Variants in PLCXD3 observed in about 807,000 individuals in gnomAD.
PLCXD3 encodes the protein PI-PLC X domain-containing protein 3.
In PLCXD3, 19 loss-of-function variants were observed where a neutral mutation model predicts 25.5. That is an observed-to-expected ratio of 0.75 (90% CI 0.52 to 1.09). PLCXD3 has a LOEUF of 1.09. PLCXD3 is among the 50% of genes least tolerant of loss of function. PLCXD3 has a pLI of 0.00. For synonymous variants in PLCXD3, 174 were observed against 137.6 expected (o/e 1.26, Z -1.85); for missense variants, 411 against 388.1 (o/e 1.06, Z -0.50).
intron 1 of PLCXD3, among the ~76,000 whole-genome samples, chr5:41,385,071 C>T (rs1420326763): frequency 6.6e-6 from 1 of 152,006 alleles, no homozygotes; most frequent in African/African-American, 2.4e-5. Flanking sequence ...TGGAATAGTA[C>T]TTCCCAATTT....
chr5:41,351,977 A>G (rs1318751656), intron 2 of PLCXD3, among the ~76,000 whole-genome samples: 1 of 152,198 alleles, frequency 6.6e-6, no homozygotes, highest in Non-Finnish European at 1.5e-5. Context: ...CAAGGTGAAT[A>G]TTAAATTTCA....
intron 1 of PLCXD3, among the ~76,000 whole-genome samples, chr5:41,465,369 T>A (rs1382551059): frequency 7.2e-6 from 1 of 139,112 alleles, no homozygotes; most frequent in African/African-American, 2.7e-5. Flanking sequence ...TTTTTTTTTT[T>A]TTTTTTTTTT....
intron 1 of PLCXD3, among the ~76,000 whole-genome samples, chr5:41,451,748 T>C (rs1747637703): frequency 6.6e-6 from 1 of 151,822 alleles, no homozygotes; most frequent in Non-Finnish European, 1.5e-5. Flanking sequence ...CCCTAAGAAC[T>C]AGCTCTCCAT....
At chr5:41,433,040 A>G (rs772465171) in intron 1 of PLCXD3, among the ~76,000 whole-genome samples, 1 of 152,166 alleles carries the variant, frequency 6.6e-6, no homozygotes, top group Non-Finnish European at 1.5e-5. Context: ...AGAATGCTGC[A>G]CACCTGGAGC....
intron 1 of PLCXD3, among the ~76,000 whole-genome samples, chr5:41,480,397 T>G (rs920681030): frequency 1.3e-5 from 2 of 151,922 alleles, no homozygotes; most frequent in African/African-American, 2.4e-5. Flanking sequence ...AAAGTTGTTT[T>G]TTTTTTTTTT....
chr5:41,449,753 T>C (rs1747584770), intron 1 of PLCXD3, among the ~76,000 whole-genome samples: 2 of 152,090 alleles, frequency 1.3e-5, no homozygotes, highest in South Asian at 4.1e-4. Flanking sequence ...TCTACCAATT[T>C]CCTGTTACTG....
At chr5:41,421,881 C>T (rs1746837020) in intron 1 of PLCXD3, among the ~76,000 whole-genome samples, 1 of 152,078 alleles carries the variant, frequency 6.6e-6, no homozygotes, top group Non-Finnish European at 1.5e-5. Flanking sequence ...GATTCCAAGT[C>T]CTGGTTACCC....
At chr5:41,489,287 A>G (rs1748595657) in intron 1 of PLCXD3, among the ~76,000 whole-genome samples, 2 of 152,172 alleles carry the variant, frequency 1.3e-5, no homozygotes, top group African/African-American at 2.4e-5. Context: ...CCATTGATCT[A>G]TATCTCTGTT....
intron 1 of PLCXD3, among the ~76,000 whole-genome samples, chr5:41,503,291 G>C (rs528376484): frequency 6.6e-6 from 1 of 152,254 alleles, no homozygotes; most frequent in Non-Finnish European, 1.5e-5. Context: ...AGTGAATGAA[G>C]GAACCAAATT....
intron 1 of PLCXD3, among the ~76,000 whole-genome samples, chr5:41,422,695 A>C (rs1746857396): frequency 6.6e-6 from 1 of 152,228 alleles, no homozygotes; most frequent in African/African-American, 2.4e-5. Context: ...AAAGTTTTAC[A>C]CATTTATCTA....
At chr5:41,365,248 A>C (rs564619046) in intron 2 of PLCXD3, among the ~76,000 whole-genome samples, 1 of 152,304 alleles carries the variant, frequency 6.6e-6, no homozygotes, top group South Asian at 2.1e-4. Context: ...TCACAAGAGA[A>C]TATCATATTT....
intron 2 of PLCXD3, among the ~76,000 whole-genome samples, chr5:41,348,460 A>T (rs1258449099): frequency 6.6e-6 from 1 of 152,176 alleles, no homozygotes; most frequent in Non-Finnish European, 1.5e-5. Flanking sequence ...ATTCCTGGTA[A>T]TATTTTCCAA....
At chr5:41,501,308 A>G (rs599533) in intron 1 of PLCXD3, among the ~76,000 whole-genome samples, 135 of 152,198 alleles carry the variant, frequency 8.9e-4, no homozygotes, top group African/African-American at 3.2e-3. Flanking sequence ...TCAATGGATG[A>G]ATGGATTAAT....
At chr5:41,399,371 G>T (rs901707117) in intron 1 of PLCXD3, among the ~76,000 whole-genome samples, 3 of 152,012 alleles carry the variant, frequency 2.0e-5, no homozygotes, top group Non-Finnish European at 4.4e-5. Flanking sequence ...AACCACAAAA[G>T]ACCTAGAATA....
At chr5:41,491,164 C>G (rs908363591) in intron 1 of PLCXD3, among the ~76,000 whole-genome samples, 1 of 152,140 alleles carries the variant, frequency 6.6e-6, no homozygotes, top group Non-Finnish European at 1.5e-5. Flanking sequence ...CAAAGAATAT[C>G]TTTCTTTCTG....
intron 1 of PLCXD3, among the ~76,000 whole-genome samples, chr5:41,399,802 A>G (rs1746123237): frequency 6.6e-6 from 1 of 152,190 alleles, no homozygotes; most frequent in Admixed American, 6.5e-5. Flanking sequence ...TTCTTGATCA[A>G]TACCCAAGAA....
At chr5:41,325,264 G>A (rs1035722825) in intron 2 of PLCXD3, among the ~76,000 whole-genome samples, 3 of 152,088 alleles carry the variant, frequency 2.0e-5, no homozygotes, top group Non-Finnish European at 4.4e-5. Flanking sequence ...TCAGGCATAC[G>A]TTCCTAAAGT....
At chr5:41,490,529 C>G (rs1273744423) in intron 1 of PLCXD3, among the ~76,000 whole-genome samples, 1 of 152,126 alleles carries the variant, frequency 6.6e-6, no homozygotes, top group Non-Finnish European at 1.5e-5. Flanking sequence ...CCTCCTTGTA[C>G]CTCTGGTAGA....
chr5:41,463,329 T>C (rs574523216), intron 1 of PLCXD3, among the ~76,000 whole-genome samples: 115 of 152,084 alleles, frequency 7.6e-4, no homozygotes, highest in South Asian at 2.3e-3. Context: ...GGGTTACACA[T>C]GACCATCTTG....
Sources: gnomAD v4.1 joint callset for allele counts (sites outside exome capture counted in the v4.1 genomes callset) on GRCh38, gnomAD v4.1.1 for gene constraint, MANE v1.5 for transcripts, NCBI Gene and HGNC (gene_info 2026-07-23, HGNC 2026-07-21) for gene names.